The following PTPRD variants were observed in gnomAD, a reference collection of about 807,000 sequenced individuals.
PTPRD encodes receptor-type tyrosine-protein phosphatase delta.
Under a neutral mutation model 214.5 loss-of-function variants are expected in PTPRD, and 34 were observed. That is an observed-to-expected ratio of 0.16 (90% CI 0.12 to 0.21). The LOEUF (loss-of-function observed/expected upper bound fraction) is 0.21. Ranked by LOEUF, PTPRD falls within the 10% of genes least tolerant of loss-of-function variation. PTPRD has a pLI of 1.00. For missense variants in PTPRD, 2,545 were observed against 2,398.7 expected (o/e 1.06, Z -1.27); for synonymous variants, 1,128 against 845.7 (o/e 1.33, Z -5.79).
rs186753255 is a variant in PTPRD, at chr9:8,925,058, C to T, written c.-104+93639G>A. Among the ~76,000 whole-genome samples the T allele has an allele frequency of 1.8e-4, 27 of 152,212 alleles. No homozygotes were observed. The East Asian group carries it at 2.1e-3, about 12-fold the overall frequency. ...AGGCAATAAAACTAGAGCAATTCTT[C>T]CTGCTCTTTTTACAGCCATTTAAAT... On this transcript the variant is annotated intron_variant, in intron 11 of 45. Coordinates refer to ENST00000381196, the MANE Select transcript of PTPRD (RefSeq NM_002839.4).
intron 9 of PTPRD, among the ~76,000 whole-genome samples, chr9:9,269,406 G>A (rs78360792): frequency 0.027 from 4,037 of 151,180 alleles, 72 homozygotes; most frequent in Middle Eastern, 0.072. Flanking sequence ...TTGTTGGTAG[G>A]AATGTAAAGT....
chr9:8,399,474 T>G (rs1383875306), intron 36 of PTPRD, among the ~76,000 whole-genome samples: 1 of 152,194 alleles, frequency 6.6e-6, no homozygotes, highest in Admixed American at 6.6e-5. Flanking sequence ...CAAGGTCACA[T>G]TGTTGTTTAA....
chr9:9,820,887 C>T (rs2050470793), intron 5 of PTPRD, among the ~76,000 whole-genome samples: 1 of 152,138 alleles, frequency 6.6e-6, no homozygotes, highest in Non-Finnish European at 1.5e-5. Context: ...CTACTATGGA[C>T]TTGCAGCATA....
intron 11 of PTPRD, among the ~76,000 whole-genome samples, chr9:8,784,121 T>C (rs2095846634): frequency 1.3e-5 from 2 of 152,220 alleles, no homozygotes; most frequent in African/African-American, 4.8e-5. Flanking sequence ...ACAGTATTTA[T>C]TGAATTTCCC....
chr9:9,415,498 A>T (rs1009595065), intron 8 of PTPRD, among the ~76,000 whole-genome samples: 3 of 151,884 alleles, frequency 2.0e-5, no homozygotes, highest in African/African-American at 7.3e-5. Context: ...TAAATAAAAT[A>T]AAAAAATTTT....
At chr9:8,872,040 T>A (rs1301190510) in intron 11 of PTPRD, among the ~76,000 whole-genome samples, 1 of 152,132 alleles carries the variant, frequency 6.6e-6, no homozygotes. Flanking sequence ...ATTGCTTCCC[T>A]TTCTCTCATA....
chr9:8,339,165 T>C (rs1849901787), intron 42 of PTPRD, 118 bp from the exon 43 acceptor site: 1 of 1,077,412 alleles, frequency 9.3e-7, no homozygotes, highest in African/African-American at 1.6e-5. Flanking sequence ...ATTTCAAAAT[T>C]CAAGGCAATT....
chr9:9,155,621 T>C (rs887586822), intron 10 of PTPRD, among the ~76,000 whole-genome samples: 6 of 152,130 alleles, frequency 3.9e-5, no homozygotes, highest in South Asian at 2.1e-4. Context: ...ACATTACTCA[T>C]TGGGCTACAT....
chr9:9,037,673 A>G (rs1282673257), intron 10 of PTPRD, among the ~76,000 whole-genome samples: 2 of 152,172 alleles, frequency 1.3e-5, no homozygotes, highest in Non-Finnish European at 2.9e-5. Flanking sequence ...TCCCTTCTTT[A>G]CAAGATTTAT....
intron 5 of PTPRD, among the ~76,000 whole-genome samples, chr9:9,877,741 G>A (rs1057431895): frequency 2.0e-5 from 3 of 152,048 alleles, no homozygotes; most frequent in Admixed American, 1.3e-4. Flanking sequence ...TTGGGAGGAC[G>A]AGGCAGGCAG....
At chr9:8,570,194 T>C (rs189957871) in intron 14 of PTPRD, among the ~76,000 whole-genome samples, 1 of 151,708 alleles carries the variant, frequency 6.6e-6, no homozygotes, top group Non-Finnish European at 1.5e-5. Context: ...TAGGGAGATT[T>C]TTATATGTAA....
chr9:9,669,003 C>T (rs2096775650), intron 7 of PTPRD, among the ~76,000 whole-genome samples: 1 of 152,116 alleles, frequency 6.6e-6, no homozygotes, highest in Admixed American at 6.6e-5. Context: ...AAATTAATAG[C>T]AGATTGTTTC....
At chr9:8,429,048 G>T (rs9792404) in intron 35 of PTPRD, among the ~76,000 whole-genome samples, 4 of 152,180 alleles carry the variant, frequency 2.6e-5, no homozygotes, top group South Asian at 2.1e-4. Context: ...AAAGCAATGC[G>T]TCCTTAGCAT....
At chr9:8,823,518 C>T (rs182872265) in intron 11 of PTPRD, among the ~76,000 whole-genome samples, 2 of 151,988 alleles carry the variant, frequency 1.3e-5, no homozygotes, top group East Asian at 1.9e-4. Context: ...GTGGTGGTGG[C>T]GCGTGCCTGT....
At chr9:8,414,613 AC>A (rs200118710) in intron 35 of PTPRD, among the ~76,000 whole-genome samples, 26,718 of 151,762 alleles carry the variant, frequency 0.18, 2,693 homozygotes, top group Non-Finnish European at 0.22. Context: ...ATGGAGCTCT[AC>A]AATAGGCTGA....
intron 3 of PTPRD, among the ~76,000 whole-genome samples, chr9:10,318,347 G>A (rs1440456215): frequency 6.6e-6 from 1 of 151,944 alleles, no homozygotes; most frequent in Non-Finnish European, 1.5e-5. Context: ...GTGTATCTTT[G>A]ATTCTTAACT....
At chr9:9,172,175 C>T (rs2099921877) in intron 10 of PTPRD, among the ~76,000 whole-genome samples, 1 of 152,080 alleles carries the variant, frequency 6.6e-6, no homozygotes, top group Non-Finnish European at 1.5e-5. Context: ...TATAATTCAT[C>T]CTAGTAAATT....
rs568240985 is a variant in PTPRD, at chr9:9,939,649, G to C, written c.-471-1039C>G. Among the ~76,000 whole-genome samples the C allele has an allele frequency of 3.3e-5, 5 of 152,224 alleles. No individual in the cohort carries two copies. In the South Asian group the frequency reaches 1.0e-3, roughly 32 times the overall value. On this transcript the variant is annotated intron_variant, in intron 4 of 45. Coordinates refer to ENST00000381196, the MANE Select transcript of PTPRD (RefSeq NM_002839.4). ...TTGCTTGGATCATCACCTGATGCCT[G>C]GTAACACCCTCTGTGAATGAATCAT...
chr9:10,330,597 T>C (rs1400569431), intron 3 of PTPRD, among the ~76,000 whole-genome samples: 1 of 151,864 alleles, frequency 6.6e-6, no homozygotes, highest in Non-Finnish European at 1.5e-5. Flanking sequence ...TTAACTAAAC[T>C]GGAACTACAT....
Sources: allele counts gnomAD v4.1 joint callset (sites outside exome capture counted in the v4.1 genomes callset), GRCh38; gene constraint gnomAD v4.1.1; transcripts MANE v1.5; gene names NCBI Gene and HGNC (gene_info 2026-07-23, HGNC 2026-07-21).